Variants in STK39 observed in about 807,000 individuals in gnomAD.
STK39 encodes the protein serine/threonine kinase 39, also known as STE20/SPS1-related proline-alanine-rich protein kinase.
A neutral mutation model predicts 77.8 loss-of-function variants in STK39; 20 were observed. That is an observed-to-expected ratio of 0.26 (90% CI 0.18 to 0.37). The LOEUF is 0.37. STK39 is among the 10% of genes least tolerant of loss of function. STK39 has a pLI of 1.00. For missense variants in STK39, 479 were observed against 656.5 expected (o/e 0.73, Z 2.95); for synonymous variants, 246 against 234.1 (o/e 1.05, Z -0.47).
chr2:168,159,679 G>C (rs1044844792), intron 5 of STK39, among the ~76,000 whole-genome samples: 1 of 152,200 alleles, frequency 6.6e-6, no homozygotes, highest in African/African-American at 2.4e-5. Flanking sequence ...CAGAGATGCA[G>C]AAGCTGTACA....
intron 10 of STK39, among the ~76,000 whole-genome samples, chr2:168,084,569 G>C (rs1686320742): frequency 6.6e-6 from 1 of 152,212 alleles, no homozygotes; most frequent in Non-Finnish European, 1.5e-5. Flanking sequence ...CAGTGACAGA[G>C]AGTTTAGCAA....
intron 14 of STK39, among the ~76,000 whole-genome samples, chr2:168,047,035 A>G: frequency 6.6e-6 from 1 of 152,204 alleles, no homozygotes; most frequent in Non-Finnish European, 1.5e-5. Context: ...CTTAAAAAAA[A>G]AGGAAAAAAA....
chr2:168,102,929 CAAAA>C (rs35442749), intron 10 of STK39, among the ~76,000 whole-genome samples: 6 of 50,086 alleles, frequency 1.2e-4, no homozygotes, highest in African/African-American at 3.6e-4. Context: ...GAATCCGTCT[CAAAA>C]AAAAAAAAAA....
At chr2:168,094,502 T>G (rs1433902760) in intron 10 of STK39, among the ~76,000 whole-genome samples, 1 of 152,182 alleles carries the variant, frequency 6.6e-6, no homozygotes, top group African/African-American at 2.4e-5. Context: ...ATCCATTCAC[T>G]CATTAATTCT....
At chr2:168,039,626 G>A (rs1163765047) in intron 14 of STK39, among the ~76,000 whole-genome samples, 2 of 149,674 alleles carry the variant, frequency 1.3e-5, no homozygotes, top group Non-Finnish European at 3.0e-5. Flanking sequence ...AAAAAAAGCA[G>A]ATCAGTGACT....
chr2:168,025,731 A>C (rs1684679733), intron 14 of STK39, among the ~76,000 whole-genome samples: 1 of 152,216 alleles, frequency 6.6e-6, no homozygotes, highest in African/African-American at 2.4e-5. Flanking sequence ...ATGAGGATAC[A>C]CAGAAGGAAC....
chr2:167,957,371 CCTT>C (rs747335263), intron 17 of STK39, among the ~76,000 whole-genome samples: 1 of 152,180 alleles, frequency 6.6e-6, no homozygotes, highest in Non-Finnish European at 1.5e-5. Flanking sequence ...ATGCTCTTCT[CCTT>C]ATCACTTTCA....
At chr2:168,073,266 T>A (rs939319291) in intron 12 of STK39, among the ~76,000 whole-genome samples, 8 of 152,164 alleles carry the variant, frequency 5.3e-5, no homozygotes, top group African/African-American at 1.4e-4. Context: ...TTATCCTAAA[T>A]CCTTATGACC....
At chr2:168,187,025 T>A (rs1019289345) in intron 1 of STK39, among the ~76,000 whole-genome samples, 1 of 152,218 alleles carries the variant, frequency 6.6e-6, no homozygotes, top group African/African-American at 2.4e-5. Flanking sequence ...GCAAAGATTG[T>A]CATGTATAAT....
intron 16 of STK39, among the ~76,000 whole-genome samples, chr2:167,979,425 T>C (rs1177498877): frequency 1.3e-5 from 2 of 152,206 alleles, no homozygotes; most frequent in African/African-American, 4.8e-5. Flanking sequence ...ATTTCTCTAA[T>C]AGAGCATCTT....
At chr2:168,063,009 T>G (rs563456627) in intron 14 of STK39, among the ~76,000 whole-genome samples, 1 of 152,326 alleles carries the variant, frequency 6.6e-6, no homozygotes, top group East Asian at 1.9e-4. Context: ...TTGTATCCAT[T>G]TCCTAGAAGA....
At chr2:168,069,891 A>G (rs570221905) in intron 12 of STK39, among the ~76,000 whole-genome samples, 1 of 152,324 alleles carries the variant, frequency 6.6e-6, no homozygotes, top group South Asian at 2.1e-4. Context: ...TGTTACTTTA[A>G]TAGAAGCCTT....
chr2:168,117,609 A>G (rs1687291753), intron 10 of STK39, among the ~76,000 whole-genome samples: 1 of 152,230 alleles, frequency 6.6e-6, no homozygotes, highest in South Asian at 2.1e-4. Context: ...GGGTAGTATC[A>G]GAAAGCTTCA....
intron 16 of STK39, among the ~76,000 whole-genome samples, chr2:168,001,189 T>G (rs1683990054): frequency 1.3e-5 from 2 of 150,508 alleles, no homozygotes; most frequent in South Asian, 4.2e-4. Context: ...TGAAAAACAT[T>G]AGCCCAAGAA....
At chr2:168,098,911 C>T (rs961344926) in intron 10 of STK39, among the ~76,000 whole-genome samples, 23 of 152,346 alleles carry the variant, frequency 1.5e-4, no homozygotes, top group African/African-American at 4.8e-4. Context: ...TACGTGGCTT[C>T]CAAGGCTCCG....
intron 14 of STK39, among the ~76,000 whole-genome samples, chr2:168,024,895 T>G (rs1684658595): frequency 6.6e-6 from 1 of 152,212 alleles, no homozygotes; most frequent in Admixed American, 6.5e-5. Flanking sequence ...AGAGCTGAAC[T>G]AAAGCTGGAA....
At chr2:168,078,206 A>C (rs1686129138) in intron 10 of STK39, among the ~76,000 whole-genome samples, 1 of 152,202 alleles carries the variant, frequency 6.6e-6, no homozygotes, top group East Asian at 1.9e-4. Context: ...AGGTTAGAAA[A>C]TGTTTTATAT....
At chr2:168,229,966 A>G (rs1032121287) in intron 1 of STK39, among the ~76,000 whole-genome samples, 1 of 152,220 alleles carries the variant, frequency 6.6e-6, no homozygotes, top group Admixed American at 6.5e-5. Context: ...CATACAGCAA[A>G]TTAGTCTATG....
At chr2:167,979,369 C>T (rs1420490095) in intron 16 of STK39, among the ~76,000 whole-genome samples, 1 of 152,126 alleles carries the variant, frequency 6.6e-6, no homozygotes, top group Non-Finnish European at 1.5e-5. Context: ...TAATTCAAGC[C>T]ATTCTAATAA....
Sources: allele counts gnomAD v4.1 joint callset (sites outside exome capture counted in the v4.1 genomes callset), GRCh38; gene constraint gnomAD v4.1.1; transcripts MANE v1.5; gene names NCBI Gene and HGNC (gene_info 2026-07-23, HGNC 2026-07-21).